Variants in PGM3 observed in about 807,000 individuals in gnomAD.
The protein encoded by PGM3 is phosphoacetylglucosamine mutase.
Under a neutral mutation model 66.2 loss-of-function variants are expected in PGM3, and 40 were observed. The ratio of observed to expected loss-of-function variants is 0.60; its 90% CI spans 0.47 to 0.79. PGM3 has a LOEUF of 0.79. PGM3 is among the 30% of genes least tolerant of loss of function. The pLI, the probability that PGM3 is intolerant of heterozygous loss-of-function variation, is 0.00. For missense variants in PGM3, 537 were observed against 643.4 expected, an observed-to-expected ratio of 0.83 and a Z score of 1.79; for synonymous variants, 191 against 224.2, an observed-to-expected ratio of 0.85 and a Z score of 1.32.
the PGM3 span, among the ~76,000 whole-genome samples, chr6:83,149,348 GTC>G: frequency 1.3e-5 from 2 of 152,170 alleles, no homozygotes; most frequent in African/African-American, 4.8e-5. Context: ...GTCATAGTCA[GTC>G]TCTCTTTCTT....
chr6:83,169,121 G>T lies in PGM3; in HGVS notation c.*113C>A, dbSNP rs914361296. 7.3e-6 allele frequency: 11 copies of T among 1,512,544 alleles called. No individual in the cohort carries two copies. The highest frequency in any genetic ancestry group is 8.8e-6 in the Non-Finnish European group (10 of 1,131,304). 93.7% of individuals were successfully genotyped at this position (1,512,544 alleles called of 1,614,324 possible). The stretch of plus-strand genomic sequence containing the variant: ...GAAAAACAGATCTAGAGACAATCCA[G>T]TAGGCTGCATTGTAAACATTATGAT... On this transcript the variant is annotated 3_prime_UTR_variant, in exon 13 of 13. Coordinates refer to ENST00000513973, the MANE Select transcript of PGM3 (RefSeq NM_015599.3).
chr6:83,169,824 G>A, intron 12 of PGM3: 1 of 457,412 alleles, frequency 2.2e-6, no homozygotes, highest in African/African-American at 2.0e-5. Context: ...TAAAAATCCA[G>A]ACCACAAGTC....
downstream of PGM3, chr6:83,162,892 A>G: frequency 6.2e-7 from 1 of 1,613,052 alleles, no homozygotes; most frequent in Non-Finnish European, 8.5e-7. Context: ...TGGTACGACT[A>G]GCAAAACTTC....
downstream of PGM3, chr6:83,158,695 C>A: frequency 9.9e-7 from 1 of 1,009,572 alleles, no homozygotes; most frequent in Non-Finnish European, 1.5e-6. Flanking sequence ...TACTCAGCAT[C>A]TAGGAGAATA....
intron 3 of PGM3, chr6:83,188,395 G>A (rs1400887207): frequency 5.0e-5 from 22 of 438,178 alleles, no homozygotes; most frequent in East Asian, 4.8e-4. Flanking sequence ...TCTGCAGCTT[G>A]GGTTTTGGAG....
At chr6:83,181,104 T>C (rs1411787105) in intron 6 of PGM3, among the ~76,000 whole-genome samples, 1 of 152,216 alleles carries the variant, frequency 6.6e-6, no homozygotes, top group Non-Finnish European at 1.5e-5. Context: ...ATTTAGGGTC[T>C]ATAATGCAGA....
chr6:83,167,191 A>G lies in PGM3; in HGVS notation c.*2043T>C, dbSNP rs2128463158. ...CATTTTATAAGTGAGGAACCTTTGT[A>G]TATCCTGCCCAAGGGTGCCGTAAGT... On this transcript the variant is annotated 3_prime_UTR_variant, in exon 13 of 13. Transcript: ENST00000513973. 1.1e-6 allele frequency: 1 copy of G among 889,948 alleles called. No individual in the cohort carries two copies. The highest frequency in any genetic ancestry group is 6.2e-5 in the Admixed American group (1 of 16,168). The allele number at this position is 889,948 out of a possible 1,614,324, so 55.1% of individuals were successfully genotyped here.
At chr6:83,161,280 G>C (rs1320869711), downstream of PGM3, 1 of 152,038 alleles carries the variant, frequency 6.6e-6, no homozygotes, top group Non-Finnish European at 1.5e-5. Context: ...ATATTAATTA[G>C]TTTTTTAAAA....
the PGM3 span, chr6:83,151,966 T>A: frequency 6.2e-7 from 1 of 1,614,056 alleles, no homozygotes; most frequent in Non-Finnish European, 8.5e-7. Flanking sequence ...GACGAAATCT[T>A]GAAGTTAAGC....
the PGM3 span, chr6:83,151,903 G>A: frequency 6.2e-7 from 1 of 1,613,684 alleles, no homozygotes; most frequent in Non-Finnish European, 8.5e-7. Context: ...ACAAAATAGT[G>A]GATGCAATTG....
chr6:83,191,958 C>CAACA (rs1789118401), intron 1 of PGM3, among the ~76,000 whole-genome samples: 1 of 39,364 alleles, frequency 2.5e-5, no homozygotes, highest in African/African-American at 1.0e-4. Context: ...GACTCGGTCT[C>CAACA]AAAAAAAAAA....
In PGM3 at chr6:83,169,146, T is replaced by A. The variant is rs994073247; in HGVS notation, c.*88A>T. The A allele has an allele frequency of 5.8e-6, 9 of 1,558,752 alleles. No homozygotes were observed. The highest frequency in any genetic ancestry group is 2.7e-5 in the African/African-American group (2 of 73,376). The stretch of plus-strand genomic sequence containing the variant: ...GTAGGCTGCATTGTAAACATTATGA[T>A]TATAAATCTCTTAGTACTGCCATTA... On this transcript the variant is annotated 3_prime_UTR_variant, in exon 13 of 13. Coordinates refer to ENST00000513973, the MANE Select transcript of PGM3 (RefSeq NM_015599.3).
intron 12 of PGM3, among the ~76,000 whole-genome samples, chr6:83,170,082 G>C (rs1262185906): frequency 6.6e-6 from 1 of 152,142 alleles, no homozygotes; most frequent in East Asian, 1.9e-4. Flanking sequence ...AGGAAGTCTA[G>C]AATAAGTCAA....
chr6:83,155,844 G>C, the PGM3 span: 1 of 1,343,282 alleles, frequency 7.4e-7, no homozygotes, highest in South Asian at 1.5e-5. Context: ...TGTACCCCAA[G>C]CTCCTCTCAG....
rs1426461938 is a variant in PGM3, at chr6:83,168,357, T to G, written c.*877A>C. ...TGAATCAAGTTTAAATATTGTTGGCTCATACTGATTATGGTGCCTAAGAGA... is the reference window on the plus strand; with the variant it reads ...TGAATCAAGTTTAAATATTGTTGGCGCATACTGATTATGGTGCCTAAGAGA... On this transcript the variant is annotated 3_prime_UTR_variant, in exon 13 of 13. Coordinates refer to ENST00000513973, the MANE Select transcript of PGM3 (RefSeq NM_015599.3). 3 of 1,397,734 alleles carry G rather than the reference T, an allele frequency of 2.1e-6. No individual in the cohort carries two copies. The African/African-American group carries it at 4.3e-5, about 20-fold the overall frequency. The allele number at this position is 1,397,734 out of a possible 1,614,324, so 86.6% of individuals were successfully genotyped here. A position where few individuals can be genotyped will look rare whatever the true frequency, so the allele number is the denominator to read the frequency against.
intron 4 of PGM3, among the ~76,000 whole-genome samples, chr6:83,184,712 A>T (rs1460569660): frequency 7.9e-5 from 12 of 152,212 alleles, no homozygotes; most frequent in Admixed American, 7.2e-4. Flanking sequence ...AGAGCGGCCT[A>T]GCTGGTCTGT....
rs141509908 is a variant in PGM3, at chr6:83,171,975, G to C, written c.1327C>G (p.Leu443Val). 225 of 1,613,226 alleles carry C rather than the reference G, an allele frequency of 1.4e-4. No homozygotes were observed. The highest frequency in any genetic ancestry group is 1.8e-4 in the Non-Finnish European group (212 of 1,179,274). The stretch of plus-strand genomic sequence containing the variant: ...TGTCTGTTTGGAAGATCTGTATAGA[G>C]AGCATCCCACTGTTGTACAGTCAAG... ...KGLTVQQWDA[L>V]YTDLPNRQLK... is the part of the protein sequence containing the mutation. The change falls in exon 11 of 13, where the codon CTC (leucine) becomes GTC (valine). Residue 443 changes from leucine to valine, a missense_variant. Physicochemically the swap from Leu to Val is conservative, Grantham distance 32. Coordinates refer to ENST00000513973, the MANE Select transcript of PGM3 (RefSeq NM_015599.3).
the PGM3 span, chr6:83,155,867 T>C: frequency 3.4e-6 from 5 of 1,489,810 alleles, no homozygotes; most frequent in East Asian, 9.2e-5. Context: ...TTGGATGTCA[T>C]AGAGCATCTA....
intron 8 of PGM3, among the ~76,000 whole-genome samples, chr6:83,176,410 G>C (rs1787774330): frequency 6.6e-6 from 1 of 152,212 alleles, no homozygotes; most frequent in African/African-American, 2.4e-5. Flanking sequence ...TAACAGGCCA[G>C]ACAGTAAATA....
Sources: gnomAD v4.1 joint callset for allele counts (sites outside exome capture counted in the v4.1 genomes callset) on GRCh38, gnomAD v4.1.1 for gene constraint, MANE v1.5 for transcripts, NCBI Gene and HGNC (gene_info 2026-07-23, HGNC 2026-07-21) for gene names.